The following CDH8 variants were observed in gnomAD, a reference collection of about 807,000 sequenced individuals.
CDH8 encodes cadherin-8.
Under a neutral mutation model 68.1 loss-of-function variants are expected in CDH8, and 17 were observed. That is an observed-to-expected ratio of 0.25 (90% CI 0.17 to 0.37). The LOEUF is 0.37. Among genes scored for constraint, CDH8 ranks in the 10% least tolerant of loss-of-function variants. The pLI is 1.00. For synonymous variants in CDH8, 372 were observed against 365.1 expected (o/e 1.02, Z -0.21); for missense variants, 763 against 999.3 (o/e 0.76, Z 3.19).
At chr16:62,034,771 C>G (rs912052840) in intron 1 of CDH8, among the ~76,000 whole-genome samples, 1 of 152,192 alleles carries the variant, frequency 6.6e-6, no homozygotes, top group African/African-American at 2.4e-5. Flanking sequence ...CTCCCTCCCG[C>G]TGTCTTGGTG....
intron 2 of CDH8, among the ~76,000 whole-genome samples, chr16:61,945,539 G>C (rs1358008563): frequency 6.6e-6 from 1 of 152,042 alleles, no homozygotes; most frequent in Non-Finnish European, 1.5e-5. Flanking sequence ...GGATCTCTGG[G>C]AGCATCCCTA....
At chr16:61,917,177 C>T (rs1415359399) in intron 2 of CDH8, among the ~76,000 whole-genome samples, 1 of 151,050 alleles carries the variant, frequency 6.6e-6, no homozygotes, top group African/African-American at 2.4e-5. Flanking sequence ...GATGGAATGC[C>T]GCTGTGTTCC....
In CDH8 at chr16:61,648,057, T is replaced by A. The variant is rs966980193; in HGVS notation, c.*5551A>T. 1.9e-6 allele frequency: 1 copy of A among 536,170 alleles called. No homozygotes were observed. The highest frequency in any genetic ancestry group is 1.9e-5 in the African/African-American group (1 of 51,584). The allele number at this position is 536,170 out of a possible 1,614,324, so 33.2% of individuals were successfully genotyped here. On this transcript the variant is annotated 3_prime_UTR_variant, in exon 12 of 12. Transcript: ENST00000577390. ...ATGCCTACTAACCTTGAGACCTAGA[T>A]GAAACTTCCACACATAAAGGAAGGA... is the stretch of plus-strand genomic sequence containing the variant.
Position 61,653,900 on chromosome 16 carries a change from T to A in CDH8, c.2108A>T (p.Asp703Val). 6.2e-7 allele frequency: 1 copy of A among 1,614,178 alleles called. No individual in the cohort carries two copies. The highest frequency in any genetic ancestry group is 8.5e-7 in the Non-Finnish European group (1 of 1,180,030). ...GFLPRKDIKPDLQFMPRQGLA... is the reference protein window; with the variant it reads ...GFLPRKDIKPVLQFMPRQGLA... ...CCCTTGCCTTGGCATAAACTGCAAA[T>A]CTGGTTTAATATCCTTACGGGGTAA... is the stretch of plus-strand genomic sequence containing the variant. Residue 703 changes from aspartate to valine, a missense_variant, in exon 12 of 12, where the codon GAT (aspartate) becomes GTT (valine). Physicochemically the swap from Asp to Val is radical, Grantham distance 152. Coordinates refer to ENST00000577390, the MANE Select transcript of CDH8 (RefSeq NM_001796.5).
chr16:61,974,103 T>C (rs1042886328), intron 2 of CDH8, among the ~76,000 whole-genome samples: 2 of 152,132 alleles, frequency 1.3e-5, no homozygotes, highest in African/African-American at 4.8e-5. Flanking sequence ...CATCTAGAAA[T>C]GGGTCTGACA....
Position 61,657,852 on chromosome 16 carries a change from C to T in CDH8, c.1655-2131G>A, listed in dbSNP as rs561827057. Among the ~76,000 whole-genome samples the T allele has an allele frequency of 5.9e-5, 9 of 152,176 alleles. No homozygotes were observed. In the South Asian group the frequency reaches 8.3e-4, roughly 14 times the overall value. On this transcript the variant is annotated intron_variant, in intron 10 of 11. Coordinates refer to ENST00000577390, the MANE Select transcript of CDH8 (RefSeq NM_001796.5). ...GAAACTGCAGCAGGAATATTGCTTGCTGCAGAACAAAGCTATCTTCTTTAC... is the reference window on the plus strand; with the variant it reads ...GAAACTGCAGCAGGAATATTGCTTGTTGCAGAACAAAGCTATCTTCTTTAC...
chr16:61,770,961 T>TA (rs1960762199), intron 8 of CDH8, among the ~76,000 whole-genome samples: 1 of 151,940 alleles, frequency 6.6e-6, no homozygotes, highest in Non-Finnish European at 1.5e-5. Flanking sequence ...TATTAGACCT[T>TA]AAAACTCTTT....
At chr16:61,788,952 G>T (rs1339113570) in intron 8 of CDH8, among the ~76,000 whole-genome samples, 1 of 152,000 alleles carries the variant, frequency 6.6e-6, no homozygotes, top group Non-Finnish European at 1.5e-5. Flanking sequence ...GCATGTGTAT[G>T]ATTTAAATAT....
chr16:61,938,323 G>A (rs1964659216), intron 2 of CDH8, among the ~76,000 whole-genome samples: 1 of 152,120 alleles, frequency 6.6e-6, no homozygotes, highest in Admixed American at 6.5e-5. Flanking sequence ...AACTGAAATA[G>A]TTCATTCTAG....
intron 2 of CDH8, among the ~76,000 whole-genome samples, chr16:61,919,989 A>C (rs1964330775): frequency 6.6e-6 from 1 of 151,960 alleles, no homozygotes; most frequent in Admixed American, 6.6e-5. Flanking sequence ...CCTGAGACAA[A>C]CAAGCAATGG....
intron 10 of CDH8, among the ~76,000 whole-genome samples, chr16:61,697,871 A>G (rs1452698976): frequency 1.3e-5 from 2 of 152,222 alleles, no homozygotes; most frequent in African/African-American, 4.8e-5. Flanking sequence ...AATTAGAGAA[A>G]TAGGAAAAAC....
chr16:61,923,954 G>A (rs1394110185), intron 2 of CDH8, among the ~76,000 whole-genome samples: 1 of 150,708 alleles, frequency 6.6e-6, no homozygotes, highest in South Asian at 2.1e-4. Flanking sequence ...ATGGGTATCA[G>A]AATCATAAGT....
At chr16:62,034,189 TCAAA>T (rs1308127001) in intron 1 of CDH8, among the ~76,000 whole-genome samples, 1 of 117,672 alleles carries the variant, frequency 8.5e-6, no homozygotes, top group Non-Finnish European at 1.7e-5. Context: ...TATCTCTCTC[TCAAA>T]CACACACACA....
intron 10 of CDH8, among the ~76,000 whole-genome samples, chr16:61,668,484 T>C (rs1283148621): frequency 6.6e-6 from 1 of 152,092 alleles, no homozygotes; most frequent in Non-Finnish European, 1.5e-5. Flanking sequence ...TCATTTTATC[T>C]GAGGAATGCT....
chr16:61,881,176 G>T (rs1215076485), intron 3 of CDH8, among the ~76,000 whole-genome samples: 1 of 152,144 alleles, frequency 6.6e-6, no homozygotes, highest in Non-Finnish European at 1.5e-5. Flanking sequence ...ACATAACTAT[G>T]AGATAATAAG....
intron 10 of CDH8, among the ~76,000 whole-genome samples, chr16:61,662,130 T>C (rs932884459): frequency 6.6e-5 from 10 of 150,684 alleles, no homozygotes; most frequent in Non-Finnish European, 1.3e-4. Flanking sequence ...TTGTTTTATT[T>C]GCTGTCAATA....
chr16:61,731,340 G>C (rs1959531013), intron 8 of CDH8, among the ~76,000 whole-genome samples: 1 of 151,668 alleles, frequency 6.6e-6, no homozygotes, highest in Non-Finnish European at 1.5e-5. Flanking sequence ...CATTTATCTA[G>C]GGAATCATTT....
chr16:61,998,692 A>C (rs1965846366), intron 2 of CDH8, among the ~76,000 whole-genome samples: 1 of 152,188 alleles, frequency 6.6e-6, no homozygotes, highest in Non-Finnish European at 1.5e-5. Context: ...GGATCAAAGG[A>C]CCTCTGGGAT....
At chr16:61,899,017 T>C (rs1355139472) in intron 3 of CDH8, among the ~76,000 whole-genome samples, 2 of 152,170 alleles carry the variant, frequency 1.3e-5, no homozygotes, top group East Asian at 1.9e-4. Context: ...CTGGGATACA[T>C]GTGCAGAATG....
Sources: gnomAD v4.1 joint callset for allele counts (sites outside exome capture counted in the v4.1 genomes callset) on GRCh38, gnomAD v4.1.1 for gene constraint, MANE v1.5 for transcripts, NCBI Gene and HGNC (gene_info 2026-07-23, HGNC 2026-07-21) for gene names.